Variants in PCDHA8 observed in about 807,000 individuals in gnomAD.
PCDHA8 encodes the protein protocadherin alpha 8.
PCDHA8 carries 53 observed loss-of-function variants against 61.8 expected under a neutral mutation model. The ratio of observed to expected loss-of-function variants is 0.86; its 90% confidence interval spans 0.69 to 1.08. PCDHA8 has a LOEUF of 1.08. Among genes scored for constraint, PCDHA8 ranks in the 50% least tolerant of loss-of-function variants. The pLI, the probability that PCDHA8 is intolerant of heterozygous loss-of-function variation, is 0.00. For synonymous variants in PCDHA8, 618 were observed against 556.6 expected (o/e 1.11, Z -1.55); for missense variants, 1,293 against 1,245.0 (o/e 1.04, Z -0.58).
chr5:140,987,040 C>G (rs916995346), intron 3 of PCDHA8, among the ~76,000 whole-genome samples: 1 of 151,880 alleles, frequency 6.6e-6, no homozygotes, highest in Non-Finnish European at 1.5e-5. Flanking sequence ...ATGGCGAAAC[C>G]CCATCTCTAC....
chr5:140,884,484 T>TA, intron 1 of PCDHA8: 1 of 1,613,922 alleles, frequency 6.2e-7, no homozygotes, highest in Non-Finnish European at 8.5e-7. Flanking sequence ...AAGCCCACTC[T>TA]AGTGTGCTCC....
chr5:140,994,954 T>C (rs2097657181), intron 3 of PCDHA8, among the ~76,000 whole-genome samples: 1 of 152,230 alleles, frequency 6.6e-6, no homozygotes, highest in Non-Finnish European at 1.5e-5. Flanking sequence ...AAATAATTTG[T>C]AGTTTCATTT....
At position 140,917,332 on chromosome 5, in the gene PCDHA8, G is replaced by T. The variant is rs182473611; in HGVS notation, c.2395-61617G>T. Among the ~76,000 whole-genome samples the T allele has an allele frequency of 8.2e-3, 1,196 of 145,640 alleles. 67 individuals carry two copies. The highest frequency in any genetic ancestry group is 0.021 in the African/African-American group (776 of 37,840). On this transcript the variant is annotated intron_variant, in intron 1 of 3. Transcript: ENST00000531613. ...ATTTGGTGTTCATGTGGCGGGGGAG[G>T]GGGGGGATGGTGTAGGCTTCTGTTC... is the stretch of plus-strand genomic sequence containing the variant.
At position 140,843,270 on chromosome 5, in the gene PCDHA8, T is replaced by C. The variant is rs1198092649; in HGVS notation, c.1949T>C (p.Leu650Pro). 1.3e-6 allele frequency: 2 copies of C among 1,595,942 alleles called. No homozygotes were observed. The highest frequency in any genetic ancestry group is 2.7e-5 in the African/African-American group (2 of 74,436). Residue 650 changes from leucine to proline, a missense_variant, in exon 1 of 4, where the codon CTG becomes CCG. Physicochemically the swap from Leu to Pro is moderately conservative, Grantham distance 98. Transcript: ENST00000531613. ...ADSPRHRLLV[L>P]VKDHGEPALT... The stretch of plus-strand genomic sequence containing the variant: ...TCTCCGCGCCACCGTCTGCTGGTCC[T>C]GGTGAAGGATCATGGTGAACCTGCG...
intron 1 of PCDHA8, chr5:140,883,780 G>C (rs903874944): frequency 1.2e-6 from 2 of 1,612,370 alleles, no homozygotes; most frequent in Admixed American, 1.7e-5. Flanking sequence ...AGCGTGCGCT[G>C]TCGAGCTACG....
intron 1 of PCDHA8, chr5:140,849,822 G>A: frequency 6.3e-7 from 1 of 1,598,624 alleles, no homozygotes; most frequent in East Asian, 2.2e-5. Context: ...CAGGGTGTCT[G>A]TGGAGGTGGC....
In PCDHA8 at chr5:140,862,417, T is replaced by G. The variant is rs77196804; in HGVS notation, c.2394+18702T>G. ...GCTGGTGTCTACCTTCAAAAGGCGCTGCCCAGAAACTATTCGTTGGTACTC... is the reference window on the plus strand; with the variant it reads ...GCTGGTGTCTACCTTCAAAAGGCGCGGCCCAGAAACTATTCGTTGGTACTC... On this transcript the variant is annotated intron_variant, in intron 1 of 3. Coordinates refer to ENST00000531613, the MANE Select transcript of PCDHA8 (RefSeq NM_018911.3). 1.4e-3 allele frequency: 485 copies of G among 351,378 alleles called. 3 individuals are homozygous for G. Among genetic ancestry groups the G allele is most frequent in the African/African-American group, 9.6e-3 (451 of 46,736 alleles). 21.8% of individuals were successfully genotyped at this position (351,378 alleles called of 1,614,324 possible).
At chr5:140,855,899 C>A in intron 1 of PCDHA8, 1 of 1,074,020 alleles carries the variant, frequency 9.3e-7, no homozygotes, top group Non-Finnish European at 1.3e-6. Flanking sequence ...AAGGCATCAG[C>A]CAGTTTCTCA....
chr5:140,916,174 C>A (rs2077467805), intron 1 of PCDHA8, among the ~76,000 whole-genome samples: 1 of 152,124 alleles, frequency 6.6e-6, no homozygotes, highest in Non-Finnish European at 1.5e-5. Flanking sequence ...AGGCCTGGGA[C>A]TCTTCAAGGA....
chr5:140,891,591 A>T (rs782194139), intron 1 of PCDHA8, among the ~76,000 whole-genome samples: 1 of 152,092 alleles, frequency 6.6e-6, no homozygotes, highest in Non-Finnish European at 1.5e-5. Flanking sequence ...TTATTACTCT[A>T]TCCCATCTAT....
chr5:140,873,437 T>C (rs1554166716), intron 1 of PCDHA8, among the ~76,000 whole-genome samples: 1 of 152,200 alleles, frequency 6.6e-6, no homozygotes, highest in Non-Finnish European at 1.5e-5. Flanking sequence ...TTATATCACA[T>C]AAATAACAAA....
intron 1 of PCDHA8, among the ~76,000 whole-genome samples, chr5:140,940,306 T>C (rs2092590981): frequency 6.6e-6 from 1 of 152,200 alleles, no homozygotes; most frequent in Non-Finnish European, 1.5e-5. Context: ...TAATTTATTA[T>C]CTTTCTTCCA....
chr5:140,858,426 A>T, intron 1 of PCDHA8: 9 of 1,551,394 alleles, frequency 5.8e-6, no homozygotes, highest in Non-Finnish European at 7.9e-6. Flanking sequence ...GGAGGGGACC[A>T]CTCTAGGAAG....
At chr5:140,865,843 A>G (rs539804831) in intron 1 of PCDHA8, 2 of 152,278 alleles carry the variant, frequency 1.3e-5, no homozygotes, top group South Asian at 4.1e-4. Context: ...TTAGTAAGTC[A>G]TTTCTCTGCT....
At chr5:140,965,143 G>A (rs1451263269) in intron 1 of PCDHA8, among the ~76,000 whole-genome samples, 1 of 152,230 alleles carries the variant, frequency 6.6e-6, no homozygotes, top group Admixed American at 6.5e-5. Context: ...AGAATACTGG[G>A]AGATGAAGAG....
At chr5:140,897,356 C>T (rs1554187343) in intron 1 of PCDHA8, among the ~76,000 whole-genome samples, 1 of 134,770 alleles carries the variant, frequency 7.4e-6, no homozygotes, top group African/African-American at 2.8e-5. Flanking sequence ...ACAACTGTCC[C>T]CAGAGTGTGA....
chr5:140,877,220 G>C (rs560974692), intron 1 of PCDHA8: 2 of 1,613,740 alleles, frequency 1.2e-6, no homozygotes, highest in East Asian at 2.2e-5. Context: ...TTGGTACCGC[G>C]GTCGGTGGGT....
chr5:140,954,777 T>C (rs1563274185), intron 1 of PCDHA8, among the ~76,000 whole-genome samples: 1 of 152,214 alleles, frequency 6.6e-6, no homozygotes, highest in African/African-American at 2.4e-5. Flanking sequence ...TTAATTTAAT[T>C]AGATCTCATT....
chr5:140,954,184 T>C (rs2094994216), intron 1 of PCDHA8, among the ~76,000 whole-genome samples: 1 of 152,236 alleles, frequency 6.6e-6, no homozygotes, highest in Non-Finnish European at 1.5e-5. Flanking sequence ...CAGTCTATCA[T>C]TGATGGGCAT....
Sources: gnomAD v4.1 joint callset for allele counts (sites outside exome capture counted in the v4.1 genomes callset) on GRCh38, gnomAD v4.1.1 for gene constraint, MANE v1.5 for transcripts, NCBI Gene and HGNC (gene_info 2026-07-23, HGNC 2026-07-21) for gene names.